Variants in ZNF347 observed in about 807,000 individuals in gnomAD.
The protein encoded by ZNF347 is CTD-2620I22.7.
In ZNF347, 19 loss-of-function variants were observed where a neutral mutation model predicts 12.9. The observed-to-expected ratio is 1.47, with a 90% CI of 1.03 to 2.16. The LOEUF (loss-of-function observed/expected upper bound fraction) is 2.16. ZNF347 is among the 30% of genes most tolerant of loss of function. ZNF347 has a pLI of 0.00. For missense variants in ZNF347, 1,005 were observed against 990.6 expected, an observed-to-expected ratio of 1.01 and a Z score of -0.19; for synonymous variants, 328 against 340.6, an observed-to-expected ratio of 0.96 and a Z score of 0.41.
At chr19:53,143,786 C>A (rs935244809) in intron 4 of ZNF347, among the ~76,000 whole-genome samples, 3 of 152,010 alleles carry the variant, frequency 2.0e-5, no homozygotes, top group Admixed American at 1.3e-4. Context: ...AGTTCTAGAT[C>A]CCTGAGGAAT....
intron 4 of ZNF347, 60 bp downstream of exon 4, chr19:53,148,621 A>C: frequency 6.5e-7 from 1 of 1,541,842 alleles, no homozygotes; most frequent in South Asian, 1.2e-5. Flanking sequence ...TCAGATTTGC[A>C]TAGAGTTTCC....
At position 53,141,957 on chromosome 19, in the gene ZNF347, A is replaced by G; in HGVS notation, c.871T>C (p.Cys291Arg). ...CTAAAGGCTTTGCCACACTCATAACATTTGTAAGGTTTCTCTTTAGTATGA... is the reference window on the plus strand; with the variant it reads ...CTAAAGGCTTTGCCACACTCATAACGTTTGTAAGGTTTCTCTTTAGTATGA... ...RSHTKEKPYK[C>R]YECGKAFRTR... The change falls in exon 5 of 5, where the codon TGT becomes CGT. Residue 291 changes from cysteine (C) to arginine (R), a missense_variant. Transcript: ENST00000334197. 1 of 1,614,008 alleles carries G rather than the reference A, an allele frequency of 6.2e-7. No homozygotes were observed. Among genetic ancestry groups the G allele is most frequent in the African/African-American group, 1.3e-5 (1 of 75,056 alleles).
chr19:53,149,328 G>A lies in ZNF347; in HGVS notation c.55C>T (p.Gln19Ter). The A allele has an allele frequency of 6.2e-7, 1 of 1,613,992 alleles. No homozygotes were observed. Among genetic ancestry groups the A allele is most frequent in the South Asian group, 1.1e-5 (1 of 91,080 alleles). ...GGGTCCAGGCATGTCCACTCCTCCT[G>A]AGAGAATTCTATAGCCACATCCCTG... is the stretch of plus-strand genomic sequence containing the variant. ...TFRDVAIEFS[Q>*]EEWTCLDPAQ... The change falls in exon 3 of 5, where the codon CAG becomes TAG. Residue 19 changes from glutamine to a stop codon, truncating the protein, a stop_gained. Transcript: ENST00000334197. LOFTEE classifies it high-confidence loss of function.
chr19:53,156,652 T>C (rs1337053109), intron 1 of ZNF347, among the ~76,000 whole-genome samples: 1 of 152,202 alleles, frequency 6.6e-6, no homozygotes, highest in East Asian at 1.9e-4. Context: ...CTAAGTGAAG[T>C]GTTTTCCCTG....
intron 1 of ZNF347, among the ~76,000 whole-genome samples, chr19:53,158,105 C>T (rs986953667): frequency 9.9e-5 from 15 of 152,230 alleles, no homozygotes; most frequent in African/African-American, 3.6e-4. Flanking sequence ...AAGACGCCTG[C>T]ATCTTGGAGG....
At position 53,155,652 on chromosome 19, in the gene ZNF347, TG is replaced by T. The variant is rs564774874; in HGVS notation, c.-46-1860del. ...GCCCAGCCCTGTGTACGTGTCTTAA[TG>T]GAGAACACCACTCCCTAGGTACAGG... On this transcript the variant is annotated intron_variant, in intron 1 of 4. Transcript: ENST00000334197. Among the ~76,000 whole-genome samples, 548 of 152,184 alleles carry T rather than the reference TG, an allele frequency of 3.6e-3. 2 individuals carry two copies. Among genetic ancestry groups the T allele is most frequent in the Middle Eastern group, 0.02 (6 of 294 alleles).
chr19:53,154,443 T>C (rs2146814642), intron 1 of ZNF347, among the ~76,000 whole-genome samples: 1 of 152,096 alleles, frequency 6.6e-6, no homozygotes, highest in Non-Finnish European at 1.5e-5. Context: ...CATGAAGCTG[T>C]GCAGGTGGGG....
Position 53,153,993 on chromosome 19 carries a change from ATAAG to A in ZNF347, c.-46-204_-46-201del, listed in dbSNP as rs1216047159. Among the ~76,000 whole-genome samples, 3 of 152,248 alleles carry A rather than the reference ATAAG, an allele frequency of 2.0e-5. No individual in the cohort carries two copies. The East Asian group carries it at 5.8e-4, about 29-fold the overall frequency. ...ACAAGAAGCTCCTATGGGAAGATCA[ATAAG>A]TGAGTTTCTGACCCCTTTCTTCAGA... On this transcript the variant is annotated intron_variant, in intron 1 of 4. Transcript: ENST00000334197.
chr19:53,151,535 A>T (rs933172453), intron 2 of ZNF347, among the ~76,000 whole-genome samples: 2 of 3,710 alleles, frequency 5.4e-4, no homozygotes, highest in Non-Finnish European at 1.5e-3. Flanking sequence ...AAGACTGTCT[A>T]AAAAAAAAAA....
Position 53,140,340 on chromosome 19 carries a change from ACT to A in ZNF347, c.2486_2487del (p.Glu829ValfsTer26). On this transcript the variant is annotated frameshift_variant, in exon 5 of 5. Transcript: ENST00000334197. LOFTEE classifies it low-confidence loss of function (END_TRUNC). ...TTCTGTGATGGCTTGCAAGGTTTGA[ACT>A]CTGACTTTAGAACTTTCCACACGTT... The part of the protein sequence containing the change: ...KCNVWKVLKS[E>X]FKPCKPSQNS The A allele has an allele frequency of 6.4e-7, 1 of 1,571,954 alleles. No homozygotes were observed. The highest frequency in any genetic ancestry group is 8.6e-7 in the Non-Finnish European group (1 of 1,162,638).
intron 4 of ZNF347, 29 bp downstream of exon 4, chr19:53,148,652 G>A: frequency 6.3e-7 from 1 of 1,593,750 alleles, no homozygotes. Context: ...TTAATAAACG[G>A]CATTTTCTCT....
chr19:53,145,979 AT>A lies in ZNF347; in HGVS notation c.271+2701del, dbSNP rs532155165. 3.7e-3 allele frequency among the ~76,000 whole-genome samples: 536 copies of A among 145,592 alleles called. 2 individuals are homozygous for A. Among genetic ancestry groups the A allele is most frequent in the African/African-American group, 4.9e-3 (195 of 39,774 alleles). On this transcript the variant is annotated intron_variant, in intron 4 of 4. Coordinates refer to ENST00000334197, the MANE Select transcript of ZNF347 (RefSeq NM_032584.3). ...AAATGAAAAGTAGGATTAAAAAAAA[AT>A]TTTTTTTTTTTTGAGATGGAGTTTT...
At position 53,138,292 on chromosome 19, in the gene ZNF347, T is replaced by C. The variant is rs539437845; in HGVS notation, c.*2016A>G. 1.3e-5 allele frequency: 2 copies of C among 151,904 alleles called. No homozygotes were observed. Among genetic ancestry groups the C allele is most frequent in the Non-Finnish European group, 2.9e-5 (2 of 67,990 alleles). 9.4% of individuals were successfully genotyped at this position (151,904 alleles called of 1,614,324 possible). A position where few individuals can be genotyped will look rare whatever the true frequency, so the allele number is the denominator to read the frequency against. On this transcript the variant is annotated 3_prime_UTR_variant, in exon 5 of 5. Transcript: ENST00000334197. ...CACCCTGCCTGGGTAATATTTCTAT[T>C]TTTTTTGTAGAGACAGGGTTTTGCC... is the stretch of plus-strand genomic sequence containing the variant.
rs1297563149 is a variant in ZNF347, at chr19:53,140,369, C to A, written c.2459G>T (p.Cys820Phe). The A allele has an allele frequency of 6.2e-7, 1 of 1,600,490 alleles. No individual in the cohort carries two copies. Among genetic ancestry groups the A allele is most frequent in the African/African-American group, 1.3e-5 (1 of 74,314 alleles). ...TIHTGGKPYK[C>F]NVWKVLKSEF... ...TGACTTTAGAACTTTCCACACGTTA[C>A]ATTTGTAAGGTTTCCCACCAGTATG... is the stretch of plus-strand genomic sequence containing the variant. The change falls in exon 5 of 5, where the codon TGT becomes TTT. Residue 820 changes from cysteine (C) to phenylalanine (F), a missense_variant. Transcript: ENST00000334197.
chr19:53,140,021 C>A lies in ZNF347; in HGVS notation c.*287G>T, dbSNP rs1277130003. 3 of 266,918 alleles carry A rather than the reference C, an allele frequency of 1.1e-5. No homozygotes were observed. The highest frequency in any genetic ancestry group is 2.1e-5 in the Non-Finnish European group (3 of 141,412). 16.5% of individuals were successfully genotyped at this position (266,918 alleles called of 1,614,324 possible). ...GTTCAAGTGATTCTCCTGCCTCAGC[C>A]TCCTATATAGCTGGGATTACAGGCG... On this transcript the variant is annotated 3_prime_UTR_variant, in exon 5 of 5. Coordinates refer to ENST00000334197, the MANE Select transcript of ZNF347 (RefSeq NM_032584.3).
At position 53,140,183 on chromosome 19, in the gene ZNF347, A is replaced by G; in HGVS notation, c.*125T>C. On this transcript the variant is annotated 3_prime_UTR_variant, in exon 5 of 5. Transcript: ENST00000334197. ...CCAAAGTGTTGGGATTACAGGCATG[A>G]GCCACTGCACCCAGCCAGTCATTGC... 1 of 981,358 alleles carries G rather than the reference A, an allele frequency of 1.0e-6. No homozygotes were observed. The highest frequency in any genetic ancestry group is 2.6e-5 in the Admixed American group (1 of 38,660). The allele number at this position is 981,358 out of a possible 1,614,324, so 60.8% of individuals were successfully genotyped here.
rs1339636627 is a variant in ZNF347 at position 53,139,267 on chromosome 19, A to C, written c.*1041T>G. The C allele has an allele frequency of 6.6e-5, 10 of 152,130 alleles. No homozygotes were observed. The highest frequency in any genetic ancestry group is 1.3e-4 in the Non-Finnish European group (9 of 68,026). The allele number at this position is 152,130 out of a possible 1,614,324, so 9.4% of individuals were successfully genotyped here. A position where few individuals can be genotyped will look rare whatever the true frequency, so the allele number is the denominator to read the frequency against. On this transcript the variant is annotated 3_prime_UTR_variant, in exon 5 of 5. Coordinates refer to ENST00000334197, the MANE Select transcript of ZNF347 (RefSeq NM_032584.3). ...ATGATTGATATCATAGTTTTACATT[A>C]TTTTCTGCCCCAAAACCATGGTCTC... is the stretch of plus-strand genomic sequence containing the variant.
chr19:53,138,427 C>A lies in ZNF347; in HGVS notation c.*1881G>T, dbSNP rs1267904820. ...CCACCACACCCAGCCCATACACTTT[C>A]TATATTTGTATTTTCACTTCATGTA... On this transcript the variant is annotated 3_prime_UTR_variant, in exon 5 of 5. Coordinates refer to ENST00000334197, the MANE Select transcript of ZNF347 (RefSeq NM_032584.3). 6.6e-6 allele frequency: 1 copy of A among 152,100 alleles called. No individual in the cohort carries two copies. Among genetic ancestry groups the A allele is most frequent in the Non-Finnish European group, 1.5e-5 (1 of 68,004 alleles). 9.4% of individuals were successfully genotyped at this position (152,100 alleles called of 1,614,324 possible). A position where few individuals can be genotyped will look rare whatever the true frequency, so the allele number is the denominator to read the frequency against.
At position 53,159,029 on chromosome 19, in the gene ZNF347, C is replaced by G. The variant is rs1004375147; in HGVS notation, c.-67G>C. The G allele has an allele frequency of 6.6e-6, 1 of 152,194 alleles. No individual in the cohort carries two copies. Among genetic ancestry groups the G allele is most frequent in the Non-Finnish European group, 1.5e-5 (1 of 68,080 alleles). 9.4% of individuals were successfully genotyped at this position (152,194 alleles called of 1,614,324 possible). A position where few individuals can be genotyped will look rare whatever the true frequency, so the allele number is the denominator to read the frequency against. Reference sequence around the variant, plus strand: ...CTCACGCTCGGCGGCGTCACCCGCACCCAACACGATCCGCTTCCGGAACTG... The same window carrying G: ...CTCACGCTCGGCGGCGTCACCCGCAGCCAACACGATCCGCTTCCGGAACTG... On this transcript the variant is annotated 5_prime_UTR_variant, in exon 1 of 5. Transcript: ENST00000334197.
Sources: gnomAD v4.1 joint callset for allele counts (sites outside exome capture counted in the v4.1 genomes callset) on GRCh38, gnomAD v4.1.1 for gene constraint, MANE v1.5 for transcripts, NCBI Gene and HGNC (gene_info 2026-07-23, HGNC 2026-07-21) for gene names.